REXO1: variants seen among roughly 807,000 people sequenced by gnomAD.
REXO1 encodes RNA exonuclease 1 homolog.
A neutral mutation model predicts 102.6 loss-of-function variants in REXO1; 42 were observed. That is an observed-to-expected ratio of 0.41 (90% CI 0.32 to 0.53). The LOEUF (loss-of-function observed/expected upper bound fraction) is 0.53, where lower values mean the gene tolerates loss of function less well. Ranked by LOEUF, REXO1 falls within the 20% of genes least tolerant of loss-of-function variation. REXO1 has a pLI of 0.27. For synonymous variants in REXO1, 908 were observed against 779.1 expected (o/e 1.17, Z -2.76); for missense variants, 1,819 against 1,732.5 (o/e 1.05, Z -0.89).
intron 4 of REXO1, chr19:1,822,248 G>A (rs1173741437): frequency 4.7e-6 from 1 of 211,150 alleles, no homozygotes; most frequent in Non-Finnish European, 9.3e-6. Context: ...CTGTGAGCAG[G>A]GACATCTGGC....
At position 1,820,297 on chromosome 19, in the gene REXO1, C is replaced by A. The variant is rs1161042530; in HGVS notation, c.2493G>T (p.Lys831Asn). 1 of 1,613,774 alleles carries A rather than the reference C, an allele frequency of 6.2e-7. No individual in the cohort carries two copies. Among genetic ancestry groups the A allele is most frequent in the African/African-American group, 1.3e-5 (1 of 74,920 alleles). ...YLNLFIEECL[K>N]FCTSNQEAIE... ...TGGCCTCCTGGTTGGAGGTACAGAA[C>A]TTGAGACACTCCTCGATGAACAGGT... Residue 831 changes from lysine (K) to asparagine (N), a missense_variant, in exon 6 of 16, where the codon AAG becomes AAT. Transcript: ENST00000170168.
At chr19:1,819,165 A>AGCC in intron 7 of REXO1, 34 bp from the exon 8 acceptor site, 1 of 1,510,666 alleles carries the variant, frequency 6.6e-7, no homozygotes, top group Non-Finnish European at 9.0e-7. Context: ...GGAGGGTGTG[A>AGCC]AGTAGCTGGC....
At chr19:1,846,359 G>A (rs745429980) in intron 1 of REXO1, among the ~76,000 whole-genome samples, 3 of 152,174 alleles carry the variant, frequency 2.0e-5, no homozygotes, top group African/African-American at 7.2e-5. Flanking sequence ...CTTCTGCGGG[G>A]GGAGGCAGTC....
intron 1 of REXO1, among the ~76,000 whole-genome samples, chr19:1,834,629 G>A (rs377302818): frequency 1.3e-3 from 192 of 152,228 alleles, no homozygotes; most frequent in African/African-American, 4.3e-3. Context: ...AATTGCCCAG[G>A]CTGGTCTCAA....
intron 1 of REXO1, among the ~76,000 whole-genome samples, chr19:1,838,751 A>G (rs915417570): frequency 1.3e-5 from 2 of 151,652 alleles, no homozygotes; most frequent in African/African-American, 4.8e-5. Context: ...TTCTCCCCCT[A>G]TGCCTCTCCA....
At chr19:1,818,460 A>C (rs1610106) in intron 10 of REXO1, 22 bp downstream of exon 10, 124 of 1,557,384 alleles carry the variant, frequency 8.0e-5, no homozygotes, top group Non-Finnish European at 1.0e-4. Context: ...TGGGAAGGGG[A>C]AGGACCCGGG....
rs749912239 is a variant in REXO1, at chr19:1,827,840, C to G, written c.949G>C (p.Ala317Pro). ...PKARADPEIK[A>P]TGQPPSKEGL... ...TCTTTGGAGGGTGGCTGCCCGGTGG[C>G]CTTGATCTCAGGGTCGGCCCTGGCT... Residue 317 changes from alanine (A) to proline (P), a missense_variant, in exon 2 of 16, where the codon GCC becomes CCC. Physicochemically the swap from Ala to Pro is conservative, Grantham distance 27 (BLOSUM62 -1). Coordinates refer to ENST00000170168, the MANE Select transcript of REXO1 (RefSeq NM_020695.4). The G allele has an allele frequency of 6.2e-7, 1 of 1,612,400 alleles. No individual in the cohort carries two copies. The highest frequency in any genetic ancestry group is 1.7e-5 in the Admixed American group (1 of 59,930).
At position 1,816,832 on chromosome 19, in the gene REXO1, C is replaced by T. The variant is rs767452047; in HGVS notation, c.3202-19G>A. 24 of 1,569,260 alleles carry T rather than the reference C, an allele frequency of 1.5e-5. No homozygotes were observed. Among genetic ancestry groups the T allele is most frequent in the East Asian group, 4.5e-5 (2 of 44,610 alleles). ...TGTAGGACTGCGGGCAAGGGATGCA[C>T]CTCAGATGTGTCCCAGGCACCGGCC... On this transcript the variant is annotated intron_variant, in intron 12 of 15. Transcript: ENST00000170168.
At chr19:1,847,842 CAG>C (rs928224168) in intron 1 of REXO1, among the ~76,000 whole-genome samples, 5 of 152,180 alleles carry the variant, frequency 3.3e-5, no homozygotes, top group African/African-American at 9.7e-5. Context: ...GGGCGCCAAT[CAG>C]GGGCAGGAGG....
At chr19:1,817,198 C>A (rs377356877) in intron 12 of REXO1, 21 bp downstream of exon 12, 5 of 1,610,530 alleles carry the variant, frequency 3.1e-6, no homozygotes, top group Non-Finnish European at 4.2e-6. Flanking sequence ...GAACCCGACG[C>A]TGGGCAGAGA....
At chr19:1,819,170 G>A (rs34425980) in intron 7 of REXO1, 39 bp from the exon 8 acceptor site, 2 of 1,484,596 alleles carry the variant, frequency 1.3e-6, no homozygotes, top group Non-Finnish European at 1.8e-6. Flanking sequence ...GTGTGAAGTA[G>A]CTGGCTCAGA....
Position 1,819,084 on chromosome 19 carries a change from T to C in REXO1, c.2698A>G (p.Arg900Gly). The change falls in exon 8 of 16, where the codon AGG becomes GGG. Residue 900 changes from arginine to glycine, a missense_variant. Physicochemically the swap from Arg to Gly is moderately radical, Grantham distance 125 (BLOSUM62 -2). Transcript: ENST00000170168. ...VVSHEVVLGG[R>G]LAAKTSFSLS... Reference sequence around the variant, plus strand: ...GAGAAGCTGGTCTTGGCGGCCAACCTGCCCCCCAACACCACCTCGTGGGAC... The same window carrying C: ...GAGAAGCTGGTCTTGGCGGCCAACCCGCCCCCCAACACCACCTCGTGGGAC... The C allele has an allele frequency of 6.3e-7, 1 of 1,599,090 alleles. No individual in the cohort carries two copies. The highest frequency in any genetic ancestry group is 1.1e-5 in the South Asian group (1 of 89,596).
Position 1,826,808 on chromosome 19 carries a change from T to G in REXO1, c.1911+70A>C. The G allele has an allele frequency of 2.0e-6, 3 of 1,529,248 alleles. No individual in the cohort carries two copies. Among genetic ancestry groups the G allele is most frequent in the South Asian group, 2.4e-5 (2 of 81,798 alleles). The allele number at this position is 1,529,248 out of a possible 1,614,324, so 94.7% of individuals were successfully genotyped here. ...CGAGCCAACTGGAAACCACTCCAGATAGAAGGTCTCTCACCAGGCCCTCGG... is the reference window on the plus strand; with the variant it reads ...CGAGCCAACTGGAAACCACTCCAGAGAGAAGGTCTCTCACCAGGCCCTCGG... On this transcript the variant is annotated intron_variant, in intron 2 of 15. Transcript: ENST00000170168. This position sits in a 1 kb window ranked among gnomAD's most constrained non-coding sequence, Gnocchi z 4.3.
At chr19:1,843,723 G>A (rs1271757281) in intron 1 of REXO1, among the ~76,000 whole-genome samples, 2 of 152,244 alleles carry the variant, frequency 1.3e-5, no homozygotes, top group South Asian at 2.1e-4. Context: ...CCTGGACGCG[G>A]CTCACTGAGG....
rs1439140067 is a variant in REXO1, at chr19:1,827,177, C to G, written c.1612G>C (p.Val538Leu). 6.5e-7 allele frequency: 1 copy of G among 1,541,066 alleles called. No homozygotes were observed. The highest frequency in any genetic ancestry group is 2.0e-5 in the Admixed American group (1 of 50,932). ...DEAAGPGVPS[V>L]WPSALPSLSS... ...AGGCTGGGGAGGGCAGAGGGCCACA[C>G]GCTCGGCACCCCTGGCCCTGCGGCC... is the stretch of plus-strand genomic sequence containing the variant. The change falls in exon 2 of 16, where the codon GTG becomes CTG. Residue 538 changes from valine (V) to leucine (L), a missense_variant. Coordinates refer to ENST00000170168, the MANE Select transcript of REXO1 (RefSeq NM_020695.4).
chr19:1,827,028 G>C lies in REXO1; in HGVS notation c.1761C>G (p.Ser587=). The C allele has an allele frequency of 2.0e-6, 3 of 1,504,054 alleles. No individual in the cohort carries two copies. The highest frequency in any genetic ancestry group is 2.7e-6 in the Non-Finnish European group (3 of 1,110,444). 93.2% of individuals were successfully genotyped at this position (1,504,054 alleles called of 1,614,324 possible). A position where few individuals can be genotyped will look rare whatever the true frequency, so the allele number is the denominator to read the frequency against. Reference sequence around the variant, plus strand: ...CCGCCCCCGCGCTGGAGGTGGAGGAGGAGGAGGAGGAGGAGGAGGATGGGG... The same window carrying C: ...CCGCCCCCGCGCTGGAGGTGGAGGACGAGGAGGAGGAGGAGGAGGATGGGG... ...SPAPSSSSSS[S]SSTSSAGADV... The change falls in exon 2 of 16, where the codon TCC becomes TCG. Residue 587 remains serine (S), a synonymous_variant. Transcript: ENST00000170168.
At chr19:1,832,603 C>T (rs2069936698) in intron 1 of REXO1, among the ~76,000 whole-genome samples, 1 of 150,986 alleles carries the variant, frequency 6.6e-6, no homozygotes, top group Non-Finnish European at 1.5e-5. Context: ...GTGGCTCACG[C>T]CTGTCATCCC....
In REXO1 at chr19:1,819,227, C is replaced by G. The variant is rs186429704; in HGVS notation, c.2651-96G>C. Reference sequence around the variant, plus strand: ...CACCCACCCTGCCCTCCTCAGACCTCTGCCTCAACTCCCCCTTTCTGGGAC... The same window carrying G: ...CACCCACCCTGCCCTCCTCAGACCTGTGCCTCAACTCCCCCTTTCTGGGAC... On this transcript the variant is annotated intron_variant, in intron 7 of 15. Coordinates refer to ENST00000170168, the MANE Select transcript of REXO1 (RefSeq NM_020695.4). 20 of 881,190 alleles carry G rather than the reference C, an allele frequency of 2.3e-5. No individual in the cohort carries two copies. In the Middle Eastern group the frequency reaches 9.1e-4, roughly 40 times the overall value. The allele number at this position is 881,190 out of a possible 1,614,324, so 54.6% of individuals were successfully genotyped here. A position where few individuals can be genotyped will look rare whatever the true frequency, so the allele number is the denominator to read the frequency against.
At position 1,815,612 on chromosome 19, in the gene REXO1, G is replaced by T; in HGVS notation, c.*454C>A. On this transcript the variant is annotated 3_prime_UTR_variant, in exon 16 of 16. Transcript: ENST00000170168. This position sits in a 1 kb window ranked among gnomAD's most constrained non-coding sequence, Gnocchi z 4.0. ...GCCCGCTCTTCCCGGTGGGAAAGAT[G>T]CTGTGCAAGTCATCAGGTTTAAATT... The T allele has an allele frequency of 1.0e-5, 10 of 999,506 alleles. No individual in the cohort carries two copies. The highest frequency in any genetic ancestry group is 1.7e-5 in the African/African-American group (1 of 59,156). 61.9% of individuals were successfully genotyped at this position (999,506 alleles called of 1,614,324 possible). A position where few individuals can be genotyped will look rare whatever the true frequency, so the allele number is the denominator to read the frequency against.
Sources: gnomAD v4.1 joint callset for allele counts (sites outside exome capture counted in the v4.1 genomes callset) on GRCh38, gnomAD v4.1.1 for gene constraint, Gnocchi (gnomAD v3.1) non-coding constraint, MANE v1.5 for transcripts, NCBI Gene and HGNC (gene_info 2026-07-23, HGNC 2026-07-21) for gene names.